The following SLC45A3 variants were observed in gnomAD, a reference collection of about 807,000 sequenced individuals.
The protein encoded by SLC45A3 is prostate cancer associated protein 2.
A neutral mutation model predicts 35.3 loss-of-function variants in SLC45A3; 17 were observed. That is an observed-to-expected ratio of 0.48 (90% CI 0.33 to 0.72). The LOEUF is 0.72. Ranked by LOEUF, SLC45A3 falls within the 30% of genes least tolerant of loss-of-function variation. SLC45A3 has a pLI of 0.02. For missense variants in SLC45A3, 597 were observed against 731.7 expected, an observed-to-expected ratio of 0.82 and a Z score of 2.12; for synonymous variants, 288 against 334.3, an observed-to-expected ratio of 0.86 and a Z score of 1.51.
chr1:205,662,716 C>A lies in SLC45A3; in HGVS notation c.958+117G>T. The A allele has an allele frequency of 6.8e-7, 1 of 1,477,728 alleles. No homozygotes were observed. The highest frequency in any genetic ancestry group is 8.9e-7 in the Non-Finnish European group (1 of 1,120,874). 91.5% of individuals were successfully genotyped at this position (1,477,728 alleles called of 1,614,324 possible). ...TGTATGCAGATGGGGTCCATCCCCA[C>A]TTTCCTGACAGAGAAGTCGGGGCCA... On this transcript the variant is annotated intron_variant, in intron 3 of 4. Transcript: ENST00000367145. The surrounding 1 kb of genome is among the most constrained non-coding windows in gnomAD (Gnocchi z 6.2).
At chr1:205,677,790 T>A (rs774423122) in intron 1 of SLC45A3, among the ~76,000 whole-genome samples, 2 of 152,242 alleles carry the variant, frequency 1.3e-5, no homozygotes, top group Non-Finnish European at 2.9e-5. Context: ...AGCACTTATG[T>A]GTCAGACACA....
At position 205,669,077 on chromosome 1, in the gene SLC45A3, G is replaced by A. The variant is rs1249185693; in HGVS notation, c.-230-4191C>T. Reference sequence around the variant, plus strand: ...GGAAATGTTTACCTAATGAATGAATGGCTAAGAGCAAGGGGTGGCAGTAGA... The same window carrying A: ...GGAAATGTTTACCTAATGAATGAATAGCTAAGAGCAAGGGGTGGCAGTAGA... On this transcript the variant is annotated intron_variant, in intron 1 of 4. Transcript: ENST00000367145. The surrounding 1 kb of genome is among the most constrained non-coding windows in gnomAD (Gnocchi z 4.1). Among the ~76,000 whole-genome samples, 2 of 152,108 alleles carry A rather than the reference G, an allele frequency of 1.3e-5. No individual in the cohort carries two copies. Among genetic ancestry groups the A allele is most frequent in the East Asian group, 3.9e-4 (2 of 5,182 alleles).
rs1473914607 is a variant in SLC45A3, at chr1:205,658,655, T to C, written c.*579A>G. ...TGATAAAAGGTAAGAGGGGGGTGGATCAGCAAAAAGACAGTGCTGTGGGCT... is the reference window on the plus strand; with the variant it reads ...TGATAAAAGGTAAGAGGGGGGTGGACCAGCAAAAAGACAGTGCTGTGGGCT... On this transcript the variant is annotated 3_prime_UTR_variant, in exon 5 of 5. Transcript: ENST00000367145. The C allele has an allele frequency of 8.6e-6, 2 of 233,600 alleles. No individual in the cohort carries two copies. Among genetic ancestry groups the C allele is most frequent in the East Asian group, 1.2e-4 (2 of 16,562 alleles). 14.5% of individuals were successfully genotyped at this position (233,600 alleles called of 1,614,324 possible).
chr1:205,676,251 G>A (rs895153951), intron 1 of SLC45A3, among the ~76,000 whole-genome samples: 1 of 152,128 alleles, frequency 6.6e-6, no homozygotes, highest in Non-Finnish European at 1.5e-5. Context: ...GGGGCAGGGG[G>A]GCACACAGCG....
Position 205,666,761 on chromosome 1 carries a change from A to C in SLC45A3, c.-230-1875T>G, listed in dbSNP as rs1558035339. On this transcript the variant is annotated intron_variant, in intron 1 of 4. Coordinates refer to ENST00000367145, the MANE Select transcript of SLC45A3 (RefSeq NM_033102.3). This position sits in a 1 kb window ranked among gnomAD's most constrained non-coding sequence, Gnocchi z 4.1. ...AAAGGAAGGTGGAAGGCCAGACCTC[A>C]GTCTTAGCTGAGCTGTCATAGGTTC... Among the ~76,000 whole-genome samples, 1 of 152,246 alleles carries C rather than the reference A, an allele frequency of 6.6e-6. No homozygotes were observed. The highest frequency in any genetic ancestry group is 1.5e-5 in the Non-Finnish European group (1 of 68,050).
chr1:205,675,491 G>C (rs1003807276), intron 1 of SLC45A3, among the ~76,000 whole-genome samples: 1 of 152,166 alleles, frequency 6.6e-6, no homozygotes, highest in African/African-American at 2.4e-5. Context: ...AAGGGTGTAT[G>C]TCTGTAAAAC....
chr1:205,675,388 G>A (rs1484905969), intron 1 of SLC45A3, among the ~76,000 whole-genome samples: 1 of 152,182 alleles, frequency 6.6e-6, no homozygotes, highest in African/African-American at 2.4e-5. Context: ...TGCCTCGGAA[G>A]AGAATAAGGG....
chr1:205,675,454 A>T (rs1024297736), intron 1 of SLC45A3, among the ~76,000 whole-genome samples: 2 of 152,116 alleles, frequency 1.3e-5, no homozygotes, highest in Non-Finnish European at 2.9e-5. Context: ...ACTTTGGGGT[A>T]TTGTTTTCTG....
chr1:205,658,931 C>A lies in SLC45A3; in HGVS notation c.*303G>T, dbSNP rs1349138880. 2.6e-6 allele frequency: 1 copy of A among 382,952 alleles called. No individual in the cohort carries two copies. Among genetic ancestry groups the A allele is most frequent in the African/African-American group, 2.0e-5 (1 of 50,334 alleles). 23.7% of individuals were successfully genotyped at this position (382,952 alleles called of 1,614,324 possible). On this transcript the variant is annotated 3_prime_UTR_variant, in exon 5 of 5. Coordinates refer to ENST00000367145, the MANE Select transcript of SLC45A3 (RefSeq NM_033102.3). ...GTTAACCCTGAGCCTGGGTAATCCA[C>A]CTGCAGAGTCCCCGCATTCCAGTGC...
At chr1:205,661,385 G>T (rs1313395063) in intron 4 of SLC45A3, among the ~76,000 whole-genome samples, 1 of 152,166 alleles carries the variant, frequency 6.6e-6, no homozygotes, top group Non-Finnish European at 1.5e-5. Context: ...AAGAAAGGGG[G>T]TAGGAAGGAG....
rs1260426280 is a variant in SLC45A3, at chr1:205,662,051, A to G, written c.1034T>C (p.Leu345Pro). ...SLVFSLVMDR[L>P]VQRFGTRAVY... is the part of the protein sequence containing the mutation. Reference sequence around the variant, plus strand: ...TGCTCGAGTGCCGAATCGCTGCACCAGCCGGTCCATGACCAGAGAGAAGAC... The same window carrying G: ...TGCTCGAGTGCCGAATCGCTGCACCGGCCGGTCCATGACCAGAGAGAAGAC... The change falls in exon 4 of 5, where the codon CTG becomes CCG. Residue 345 changes from leucine (L) to proline (P), a missense_variant. Transcript: ENST00000367145. The surrounding 1 kb of genome is among the most constrained non-coding windows in gnomAD (Gnocchi z 6.2). 6.2e-7 allele frequency: 1 copy of G among 1,614,052 alleles called. No individual in the cohort carries two copies. Among genetic ancestry groups the G allele is most frequent in the Non-Finnish European group, 8.5e-7 (1 of 1,180,046 alleles).
At chr1:205,668,876 C>T (rs1671160562) in intron 1 of SLC45A3, among the ~76,000 whole-genome samples, 1 of 152,048 alleles carries the variant, frequency 6.6e-6, no homozygotes, top group Non-Finnish European at 1.5e-5. Flanking sequence ...CCAGGTCATC[C>T]TTCCTCATCC....
Position 205,662,772 on chromosome 1 carries a change from C to T in SLC45A3, c.958+61G>A. 2 of 1,519,472 alleles carry T rather than the reference C, an allele frequency of 1.3e-6. No individual in the cohort carries two copies. The highest frequency in any genetic ancestry group is 1.3e-5 in the South Asian group (1 of 75,942). 94.1% of individuals were successfully genotyped at this position (1,519,472 alleles called of 1,614,324 possible). The stretch of plus-strand genomic sequence containing the variant: ...GAGAGGCACCAGCCCAGACACAGCC[C>T]CGAGTGTCGTCTCTGGTGGGCGGCT... On this transcript the variant is annotated intron_variant, in intron 3 of 4. Transcript: ENST00000367145. This position sits in a 1 kb window ranked among gnomAD's most constrained non-coding sequence, Gnocchi z 6.2.
At chr1:205,672,073 T>C (rs1671226794) in intron 1 of SLC45A3, among the ~76,000 whole-genome samples, 1 of 152,124 alleles carries the variant, frequency 6.6e-6, no homozygotes, top group African/African-American at 2.4e-5. Flanking sequence ...TGGAGTGTGT[T>C]TGAGATACAG....
chr1:205,659,300 C>A lies in SLC45A3; in HGVS notation c.1596G>T (p.Leu532=), dbSNP rs7540439. Residue 532 remains leucine, a synonymous_variant, in exon 5 of 5, where the codon CTG becomes CTT. Coordinates refer to ENST00000367145, the MANE Select transcript of SLC45A3 (RefSeq NM_033102.3). The surrounding 1 kb of genome is among the most constrained non-coding windows in gnomAD (Gnocchi z 5.8). ...CCTGTGTAGCAAAGTAAATGGCGAC[C>A]AGACCCAGGCCTGCGGCAGACACCA... ...AYMVSAAGLG[L]VAIYFATQVV... is the part of the protein sequence containing the mutation. 6.2e-7 allele frequency: 1 copy of A among 1,614,042 alleles called. No individual in the cohort carries two copies. Among genetic ancestry groups the A allele is most frequent in the African/African-American group, 1.3e-5 (1 of 74,906 alleles).
intron 4 of SLC45A3, among the ~76,000 whole-genome samples, chr1:205,661,608 T>C (rs530588011): frequency 1.3e-5 from 2 of 152,178 alleles, no homozygotes; most frequent in Non-Finnish European, 2.9e-5. Context: ...ATTCCCACTA[T>C]CGTATTTTGC....
chr1:205,664,433 T>G lies in SLC45A3; in HGVS notation c.172+52A>C. 6.2e-7 allele frequency: 1 copy of G among 1,601,380 alleles called. No homozygotes were observed. Among genetic ancestry groups the G allele is most frequent in the Non-Finnish European group, 8.5e-7 (1 of 1,171,716 alleles). On this transcript the variant is annotated intron_variant, in intron 2 of 4. Coordinates refer to ENST00000367145, the MANE Select transcript of SLC45A3 (RefSeq NM_033102.3). The surrounding 1 kb of genome is among the most constrained non-coding windows in gnomAD (Gnocchi z 5.3). The stretch of plus-strand genomic sequence containing the variant: ...AGGGCAGAGGTACTCCTGTCCCACA[T>G]GCCAGGTGGCATGTATCTGGAACAG...
rs78569370 is a variant in SLC45A3 at position 205,666,703 on chromosome 1, A to C, written c.-230-1817T>G. Among the ~76,000 whole-genome samples, 2,086 of 152,340 alleles carry C rather than the reference A, an allele frequency of 0.014. 52 individuals carry two copies. The highest frequency in any genetic ancestry group is 0.047 in the African/African-American group (1,959 of 41,576). ...GGCCTCCTACGGAGGTGGCATGAGA[A>C]GGGGTGTAAAATACTGACCCATACT... On this transcript the variant is annotated intron_variant, in intron 1 of 4. Coordinates refer to ENST00000367145, the MANE Select transcript of SLC45A3 (RefSeq NM_033102.3). The surrounding 1 kb of genome is among the most constrained non-coding windows in gnomAD (Gnocchi z 4.1).
In SLC45A3 at chr1:205,662,572, T is replaced by G. The variant is rs1489274263; in HGVS notation, c.958+261A>C. On this transcript the variant is annotated intron_variant, in intron 3 of 4. Transcript: ENST00000367145. The surrounding 1 kb of genome is among the most constrained non-coding windows in gnomAD (Gnocchi z 6.2). ...TAACTCCTCCACTCCCTCTAGACTT[T>G]GAATAAGCTCCGCCTTTCCTTCTGT... The G allele has an allele frequency of 2.3e-6, 3 of 1,323,870 alleles. No individual in the cohort carries two copies. Among genetic ancestry groups the G allele is most frequent in the Non-Finnish European group, 2.9e-6 (3 of 1,040,680 alleles). The allele number at this position is 1,323,870 out of a possible 1,614,324, so 82.0% of individuals were successfully genotyped here.
Sources: gnomAD v4.1 joint callset for allele counts (sites outside exome capture counted in the v4.1 genomes callset) on GRCh38, gnomAD v4.1.1 for gene constraint, Gnocchi (gnomAD v3.1) non-coding constraint, MANE v1.5 for transcripts, NCBI Gene and HGNC (gene_info 2026-07-23, HGNC 2026-07-21) for gene names.